LMO7: variants seen among roughly 807,000 people sequenced by gnomAD.
LMO7 encodes the protein LIM domain 7, also known as LIM domain only protein 7.
A neutral mutation model predicts 206.5 loss-of-function variants in LMO7; 120 were observed. The observed-to-expected ratio is 0.58, with a 90% CI of 0.50 to 0.68. The LOEUF (loss-of-function observed/expected upper bound fraction) is 0.68, where lower values mean the gene tolerates loss of function less well. Among genes scored for constraint, LMO7 ranks in the 30% least tolerant of loss-of-function variants. The probability of loss-of-function intolerance (pLI) is 0.00; values close to 1 mark genes in which losing one functional copy is unlikely to be tolerated. For missense variants in LMO7, 1,959 were observed against 1,957.9 expected, an observed-to-expected ratio of 1.00 and a Z score of -0.01; for synonymous variants, 706 against 681.5, an observed-to-expected ratio of 1.04 and a Z score of -0.56.
At chr13:75,820,997 CA>C (rs33919449) in intron 13 of LMO7, among the ~76,000 whole-genome samples, 179 bp from the exon 14 acceptor site, 64,228 of 126,688 alleles carry the variant, frequency 0.51, 14,988 homozygotes, top group South Asian at 0.6. Flanking sequence ...GATTCGGTCT[CA>C]AAAAAAAAAA....
In LMO7 at chr13:75,696,748, C is replaced by T. The variant is rs575520953; in HGVS notation, c.70-16434C>T. Among the ~76,000 whole-genome samples the T allele has an allele frequency of 3.9e-5, 6 of 152,148 alleles. No homozygotes were observed. The East Asian group carries it at 9.7e-4, about 25-fold the overall frequency. ...AGGTGAGTCCTGTCCACAGGGCAGG[C>T]GTTATGCTGGGTCTTGAGGATACAA... On this transcript the variant is annotated intron_variant, in intron 1 of 30. Transcript: ENST00000377534.
chr13:75,666,181 C>T (rs1169693691), intron 1 of LMO7, among the ~76,000 whole-genome samples: 1 of 152,102 alleles, frequency 6.6e-6, no homozygotes, highest in South Asian at 2.1e-4. Context: ...TAAAAGTTAG[C>T]AATAAATTGG....
chr13:75,851,002 T>C (rs2060456149), intron 27 of LMO7, among the ~76,000 whole-genome samples: 1 of 152,172 alleles, frequency 6.6e-6, no homozygotes, highest in Non-Finnish European at 1.5e-5. Context: ...GGCTACCCCA[T>C]GGCATGGGAC....
rs7988661 is a variant in LMO7, at chr13:75,853,211, C to A, written c.4484C>A (p.Pro1495Gln). The change falls in exon 28 of 31, where the codon CCA (proline) becomes CAA (glutamine). Residue 1495 changes from proline (P) to glutamine (Q), a missense_variant. Physicochemically the swap from Pro to Gln is moderately conservative, Grantham distance 76. Coordinates refer to ENST00000377534, the MANE Select transcript of LMO7 (RefSeq NM_001306080.2). Reference sequence around the variant, plus strand: ...TCTGTGCAAGACTTTAGTCGCCCACCACCTCAGCTGGTGTCCACATCAAAC... The same window carrying A: ...TCTGTGCAAGACTTTAGTCGCCCACAACCTCAGCTGGTGTCCACATCAAAC... ...SSSVQDFSRP[P>Q]PQLVSTSNRA... 0.082 allele frequency: 132,136 copies of A among 1,613,784 alleles called. 6,693 individuals carry two copies. The highest frequency in any genetic ancestry group is 0.22 in the African/African-American group (16,174 of 74,956).
intron 2 of LMO7, among the ~76,000 whole-genome samples, chr13:75,725,631 A>G (rs1444834671): frequency 6.6e-6 from 1 of 152,090 alleles, no homozygotes; most frequent in Non-Finnish European, 1.5e-5. Flanking sequence ...TAAGAAAAAA[A>G]TCATGTGGAC....
At chr13:75,634,895 G>A (rs1030745651), upstream of LMO7, among the ~76,000 whole-genome samples, 3 of 149,792 alleles carry the variant, frequency 2.0e-5, no homozygotes, top group Non-Finnish European at 3.0e-5. Flanking sequence ...AATCCCAGCT[G>A]CTCGAGAGGC....
At chr13:75,839,398 A>G (rs955604679) in intron 20 of LMO7, among the ~76,000 whole-genome samples, 1 of 152,230 alleles carries the variant, frequency 6.6e-6, no homozygotes, top group African/African-American at 2.4e-5. Flanking sequence ...TTTCAAGAAC[A>G]TTTAAAAGTA....
At chr13:75,643,571 A>G (rs902993427) in intron 1 of LMO7, among the ~76,000 whole-genome samples, 1 of 152,224 alleles carries the variant, frequency 6.6e-6, no homozygotes, top group East Asian at 1.9e-4. Flanking sequence ...AATGTGTTAG[A>G]GCCTGAGGAA....
At chr13:75,727,261 C>T (rs1287666722) in intron 3 of LMO7, among the ~76,000 whole-genome samples, 163 bp downstream of exon 3, 9 of 151,910 alleles carry the variant, frequency 5.9e-5, no homozygotes, top group Admixed American at 5.9e-4. Flanking sequence ...TCTGCAGTTC[C>T]TTTCTCTGTT....
intron 2 of LMO7, among the ~76,000 whole-genome samples, chr13:75,719,199 C>T (rs1181024016): frequency 6.6e-6 from 1 of 151,980 alleles, no homozygotes; most frequent in African/African-American, 2.4e-5. Flanking sequence ...AGGCTGGTCT[C>T]GAACTCCTGA....
chr13:75,660,369 GTA>G (rs1225949126), intron 1 of LMO7, among the ~76,000 whole-genome samples: 1 of 152,138 alleles, frequency 6.6e-6, no homozygotes, highest in Non-Finnish European at 1.5e-5. Context: ...CTATCCAGGG[GTA>G]TATTTATCTA....
At chr13:75,841,042 T>A (rs2059521821) in intron 22 of LMO7, 67 bp from the exon 23 acceptor site, 1 of 972,132 alleles carries the variant, frequency 1.0e-6, no homozygotes, top group Non-Finnish European at 1.6e-6. Flanking sequence ...ATAAAAGTGT[T>A]AATAAAGAAG....
At chr13:75,717,423 G>C (rs1189185945) in intron 2 of LMO7, among the ~76,000 whole-genome samples, 1 of 150,430 alleles carries the variant, frequency 6.6e-6, no homozygotes, top group Non-Finnish European at 1.5e-5. Context: ...ACTGTCACCA[G>C]GTCTTCTTTT....
At chr13:75,649,610 G>C (rs1040028234) in intron 1 of LMO7, among the ~76,000 whole-genome samples, 3 of 152,068 alleles carry the variant, frequency 2.0e-5, no homozygotes, top group Non-Finnish European at 4.4e-5. Flanking sequence ...TTAGTGTAGA[G>C]GGGCAGGTAC....
chr13:75,834,350 A>C lies in LMO7; in HGVS notation c.3189A>C (p.Gly1063=). The change falls in exon 17 of 31, where the codon GGA becomes GGC. Residue 1063 remains glycine, a synonymous_variant. Transcript: ENST00000377534. ...CCATGGCTAAGGCTCAAGAAACTGG[A>C]CACCTAGTGATGGATGTGAGGCGCT... ...EEAMAKAQET[G]HLVMDVRRYG... is the part of the protein sequence containing the mutation. 3 of 1,609,318 alleles carry C rather than the reference A, an allele frequency of 1.9e-6. No individual in the cohort carries two copies. The highest frequency in any genetic ancestry group is 2.5e-6 in the Non-Finnish European group (3 of 1,177,800).
In LMO7 at chr13:75,805,878, G is replaced by A. The variant is rs575497693; in HGVS notation, c.1196+118G>A. 2.0e-4 allele frequency: 234 copies of A among 1,184,354 alleles called. 2 individuals carry two copies. The South Asian group carries it at 2.6e-3, about 13-fold the overall frequency. The allele number at this position is 1,184,354 out of a possible 1,614,324, so 73.4% of individuals were successfully genotyped here. A position where few individuals can be genotyped will look rare whatever the true frequency, so the allele number is the denominator to read the frequency against. On this transcript the variant is annotated intron_variant, in intron 9 of 30. Coordinates refer to ENST00000377534, the MANE Select transcript of LMO7 (RefSeq NM_001306080.2). ...CAGAGAAAGTCTAATTAGTTCTCTA[G>A]TATCTGCGGAACCTATATAATGGAA...
intron 1 of LMO7, among the ~76,000 whole-genome samples, chr13:75,669,803 T>C (rs1257924055): frequency 1.3e-5 from 2 of 152,236 alleles, no homozygotes; most frequent in African/African-American, 2.4e-5. Flanking sequence ...TTTTTGGTTT[T>C]ATTTCCCTAT....
At chr13:75,783,034 A>G (rs1056390580) in intron 4 of LMO7, among the ~76,000 whole-genome samples, 1 of 152,314 alleles carries the variant, frequency 6.6e-6, no homozygotes, top group Non-Finnish European at 1.5e-5. Flanking sequence ...TCAGTATTTT[A>G]AAGTGTGGAG....
chr13:75,793,286 G>GT (rs985706968), intron 4 of LMO7, among the ~76,000 whole-genome samples: 1 of 152,106 alleles, frequency 6.6e-6, no homozygotes, highest in African/African-American at 2.4e-5. Context: ...TTGTTTGTTT[G>GT]TTTTTTGAGA....
Sources: allele counts gnomAD v4.1 joint callset (sites outside exome capture counted in the v4.1 genomes callset), GRCh38; gene constraint gnomAD v4.1.1; transcripts MANE v1.5; gene names NCBI Gene and HGNC (gene_info 2026-07-23, HGNC 2026-07-21).